Variants in ZMIZ1 observed in about 807,000 individuals in gnomAD.
The protein encoded by ZMIZ1 is zinc finger MIZ-type containing 1, also known as zinc finger MIZ domain-containing protein 1.
A neutral mutation model predicts 113.9 loss-of-function variants in ZMIZ1; 17 were observed. That is an observed-to-expected ratio of 0.15 (90% confidence interval 0.10 to 0.22). The LOEUF (loss-of-function observed/expected upper bound fraction) is 0.22. Ranked by LOEUF, ZMIZ1 falls within the 10% of genes least tolerant of loss-of-function variation. The probability of loss-of-function intolerance (pLI) is 1.00; values close to 1 mark genes in which losing one functional copy is unlikely to be tolerated. For missense variants in ZMIZ1, 1,059 were observed against 1,477.8 expected (o/e 0.72, Z 4.65); for synonymous variants, 607 against 603.1 (o/e 1.01, Z -0.09).
At chr10:79,189,681 C>G (rs1025367480) in intron 4 of ZMIZ1, among the ~76,000 whole-genome samples, 1 of 152,168 alleles carries the variant, frequency 6.6e-6, no homozygotes, top group Non-Finnish European at 1.5e-5. Context: ...TGGGTCAACT[C>G]GTGAGGTTAT....
At chr10:79,258,510 G>A (rs1589506148) in intron 7 of ZMIZ1, among the ~76,000 whole-genome samples, 1 of 152,262 alleles carries the variant, frequency 6.6e-6, no homozygotes, top group Non-Finnish European at 1.5e-5. Flanking sequence ...GTTTCGGGCA[G>A]CACAAATCAA....
intron 1 of ZMIZ1, among the ~76,000 whole-genome samples, chr10:79,105,971 C>T (rs183817096): frequency 5.1e-4 from 78 of 152,236 alleles, no homozygotes; most frequent in African/African-American, 1.7e-3. Flanking sequence ...GCTGGAGGGA[C>T]GTTCTGGTAA....
intron 1 of ZMIZ1, among the ~76,000 whole-genome samples, chr10:79,074,618 C>T (rs1261855531): frequency 6.6e-6 from 1 of 152,238 alleles, no homozygotes; most frequent in African/African-American, 2.4e-5. Flanking sequence ...AGTGCTCTTC[C>T]TTGGGTTCCT....
In ZMIZ1 at chr10:79,305,599, A is replaced by G. The variant is rs1380703248; in HGVS notation, c.2421A>G (p.Gln807=). The change falls in exon 21 of 25, where the codon CAA becomes CAG. Residue 807 remains glutamine, a splice_region_variant and synonymous_variant. Transcript: ENST00000334512. The part of the protein sequence containing the change: ...QYMWGILNAI[Q]HSEFEEVTID... ...TGTGGGGAATCCTGAATGCCATCCA[A>G]CAGTAAGTGGGGCCCTAGCGAGGGG... 1 of 1,611,940 alleles carries G rather than the reference A, an allele frequency of 6.2e-7. No individual in the cohort carries two copies. Among genetic ancestry groups the G allele is most frequent in the Non-Finnish European group, 8.5e-7 (1 of 1,178,454 alleles).
At chr10:79,307,382 C>T in intron 22 of ZMIZ1, 23 bp from the exon 23 acceptor site, 1 of 1,608,738 alleles carries the variant, frequency 6.2e-7, no homozygotes, top group Non-Finnish European at 8.5e-7. Context: ...ACCCCCTCCC[C>T]TCCCCATCTC....
chr10:79,271,102 A>C (rs1437595476), intron 7 of ZMIZ1, among the ~76,000 whole-genome samples: 1 of 152,188 alleles, frequency 6.6e-6, no homozygotes, highest in Non-Finnish European at 1.5e-5. Flanking sequence ...GGCAGGGGGA[A>C]GGGGCCCTGT....
chr10:79,312,763 G>A lies in ZMIZ1; in HGVS notation c.*14G>A, dbSNP rs868223599. ...GAGAACAACTGAGGGCCACCCGGTC[G>A]GGGCCATCCCTCCACACTCTGCATC... On this transcript the variant is annotated 3_prime_UTR_variant, in exon 25 of 25. Transcript: ENST00000334512. 8.1e-6 allele frequency: 13 copies of A among 1,611,716 alleles called. No individual in the cohort carries two copies. Among genetic ancestry groups the A allele is most frequent in the Middle Eastern group, 3.3e-4 (2 of 6,080 alleles).
Position 79,316,048 on chromosome 10 carries a change from T to C in ZMIZ1, c.*3299T>C, listed in dbSNP as rs1011461220. The C allele has an allele frequency of 6.5e-6, 1 of 152,790 alleles. No homozygotes were observed. The highest frequency in any genetic ancestry group is 1.5e-5 in the Non-Finnish European group (1 of 68,052). 9.5% of individuals were successfully genotyped at this position (152,790 alleles called of 1,614,324 possible). On this transcript the variant is annotated 3_prime_UTR_variant, in exon 25 of 25. Transcript: ENST00000334512. ...GCTTCAGTGTACTAGTCCTGCCACC[T>C]GTGTATTTTTAGGGTGCTATGGAAA...
chr10:79,139,875 G>A, intron 3 of ZMIZ1, 98 bp downstream of exon 3: 1 of 398,554 alleles, frequency 2.5e-6, no homozygotes, highest in Non-Finnish European at 4.4e-6. Context: ...GGCTGGACCA[G>A]AGCTGAGGGT....
At chr10:79,256,355 C>G (rs1250535) in intron 7 of ZMIZ1, among the ~76,000 whole-genome samples, 105,211 of 151,780 alleles carry the variant, frequency 0.69, 36,753 homozygotes, top group East Asian at 0.92. Context: ...GCACCCACCC[C>G]ACAGTAGCCT....
intron 1 of ZMIZ1, among the ~76,000 whole-genome samples, chr10:79,110,197 A>G (rs751227477): frequency 1.3e-5 from 2 of 152,214 alleles, no homozygotes; most frequent in Non-Finnish European, 2.9e-5. Context: ...TCCAGCAGGC[A>G]TGTTCGTAGT....
intron 1 of ZMIZ1, among the ~76,000 whole-genome samples, chr10:79,081,100 C>A (rs1842642921): frequency 6.6e-6 from 1 of 152,176 alleles, no homozygotes; most frequent in African/African-American, 2.4e-5. Flanking sequence ...CCCAGCAGCT[C>A]CCTCTGTCTA....
intron 8 of ZMIZ1, chr10:79,285,763 A>G: frequency 2.8e-6 from 1 of 361,802 alleles, no homozygotes; most frequent in South Asian, 2.1e-5. Context: ...AGAAGGGAGA[A>G]GGCAGAGGGT....
chr10:79,269,288 C>T (rs1283422390), intron 7 of ZMIZ1, among the ~76,000 whole-genome samples: 1 of 152,128 alleles, frequency 6.6e-6, no homozygotes. Flanking sequence ...TTATTGGAAT[C>T]ATGAATCCCA....
chr10:79,120,922 G>A (rs529113555), intron 2 of ZMIZ1, among the ~76,000 whole-genome samples: 6 of 152,272 alleles, frequency 3.9e-5, no homozygotes, highest in Admixed American at 6.5e-5. Flanking sequence ...CTGTTGACTC[G>A]TGAGGAGTTG....
In ZMIZ1 at chr10:79,179,839, G is replaced by A. The variant is rs537907061; in HGVS notation, c.-50+17706G>A. The stretch of plus-strand genomic sequence containing the variant: ...GGGCAGAGGAGGGGCTGGCAAGGCC[G>A]AGGCAGGTGGGGACCAGGCAGTGGG... On this transcript the variant is annotated intron_variant, in intron 4 of 24. Transcript: ENST00000334512. Among the ~76,000 whole-genome samples, 48 of 152,334 alleles carry A rather than the reference G, an allele frequency of 3.2e-4. 1 individual carries two copies. In the South Asian group the frequency reaches 9.3e-3, roughly 30 times the overall value.
rs146847565 is a variant in ZMIZ1, at chr10:79,277,320, G to A, written c.420G>A (p.Ser140=). Residue 140 remains serine, a synonymous_variant, in exon 8 of 25, where the codon TCG becomes TCA. Coordinates refer to ENST00000334512, the MANE Select transcript of ZMIZ1 (RefSeq NM_020338.4). ...SSMSSMKPTL[S]HSDGSFPYDS... ...TGAGCTCCATGAAACCCACTCTGTC[G>A]CACAGGTAAGTGGGTGGGTGCCATG... is the stretch of plus-strand genomic sequence containing the variant. The A allele has an allele frequency of 2.2e-5, 35 of 1,594,382 alleles. No individual in the cohort carries two copies. The highest frequency in any genetic ancestry group is 2.0e-4 in the South Asian group (18 of 88,222).
At chr10:79,110,646 G>A (rs761217303) in intron 1 of ZMIZ1, among the ~76,000 whole-genome samples, 4 of 152,226 alleles carry the variant, frequency 2.6e-5, no homozygotes, top group Non-Finnish European at 5.9e-5. Context: ...ACAATGGGAA[G>A]CCAGTGGTTA....
intron 4 of ZMIZ1, among the ~76,000 whole-genome samples, chr10:79,196,577 A>T (rs1331293478): frequency 6.6e-6 from 1 of 152,202 alleles, no homozygotes. Flanking sequence ...CCGTGACCCC[A>T]CGTGGGGCCA....
Sources: gnomAD v4.1 joint callset for allele counts (sites outside exome capture counted in the v4.1 genomes callset) on GRCh38, gnomAD v4.1.1 for gene constraint, MANE v1.5 for transcripts, NCBI Gene and HGNC (gene_info 2026-07-23, HGNC 2026-07-21) for gene names.